AVEN: variants seen among roughly 807,000 people sequenced by gnomAD.
AVEN encodes the protein cell death regulator Aven.
A neutral mutation model predicts 38.1 loss-of-function variants in AVEN; 41 were observed. That is an observed-to-expected ratio of 1.08 (90% confidence interval 0.84 to 1.40). The LOEUF (loss-of-function observed/expected upper bound fraction) is 1.40. Among genes scored for constraint, AVEN ranks in the 40% most tolerant of loss-of-function variants. The pLI, the probability that AVEN is intolerant of heterozygous loss-of-function variation, is 0.00. For missense variants in AVEN, 605 were observed against 438.8 expected, an observed-to-expected ratio of 1.38 and a Z score of -3.38; for synonymous variants, 206 against 171.8, an observed-to-expected ratio of 1.20 and a Z score of -1.56.
At chr15:34,061,979 C>T (rs1439718442) in intron 5 of AVEN, among the ~76,000 whole-genome samples, 2 of 152,110 alleles carry the variant, frequency 1.3e-5, no homozygotes, top group African/African-American at 4.8e-5. Context: ...GGGTTTCAGC[C>T]CTTATGATCA....
At chr15:33,982,182 T>C (rs569275492) in intron 2 of AVEN, among the ~76,000 whole-genome samples, 1 of 152,174 alleles carries the variant, frequency 6.6e-6, no homozygotes, top group South Asian at 2.1e-4. Context: ...TAAGAGTTAT[T>C]TTAACACATT....
At chr15:34,075,309 G>A (rs1170648256), upstream of AVEN, among the ~76,000 whole-genome samples, 1 of 152,174 alleles carries the variant, frequency 6.6e-6, no homozygotes, top group African/African-American at 2.4e-5. Context: ...AGCGGAAGGG[G>A]AAGTAAACAT....
chr15:34,046,714 A>T (rs1899698634), intron 5 of AVEN: 1 of 152,250 alleles, frequency 6.6e-6, no homozygotes, highest in Admixed American at 6.5e-5. Context: ...GGTGTGAGTG[A>T]ATACAGCGCC....
intron 1 of AVEN, among the ~76,000 whole-genome samples, chr15:34,032,867 T>G (rs371857191): frequency 3.3e-5 from 5 of 152,338 alleles, no homozygotes; most frequent in African/African-American, 1.2e-4. Flanking sequence ...TATGTCCTTT[T>G]GCAAATCAGG....
chr15:33,974,760 G>A (rs1046201182), intron 2 of AVEN, among the ~76,000 whole-genome samples: 1 of 152,192 alleles, frequency 6.6e-6, no homozygotes, highest in Non-Finnish European at 1.5e-5. Context: ...ATCACCTGAG[G>A]TCAGGGGTTT....
intron 2 of AVEN, among the ~76,000 whole-genome samples, chr15:33,942,373 C>G (rs955931231): frequency 1.3e-5 from 2 of 152,168 alleles, no homozygotes; most frequent in Non-Finnish European, 2.9e-5. Context: ...CGTCTGTCTA[C>G]TCAACAACCG....
At chr15:34,057,649 G>A (rs929479936) in intron 5 of AVEN, among the ~76,000 whole-genome samples, 3 of 152,126 alleles carry the variant, frequency 2.0e-5, no homozygotes, top group East Asian at 1.9e-4. Context: ...CAGTAAGTTG[G>A]AGCCATATGT....
chr15:33,894,820 AAATAATAACAAT>A (rs1421328224), intron 2 of AVEN, among the ~76,000 whole-genome samples: 3 of 16,260 alleles, frequency 1.8e-4, no homozygotes, highest in Non-Finnish European at 7.4e-4. Context: ...AAAAAAAAAA[AAATAATAACAAT>A]AATAATAATA....
chr15:34,010,657 G>A (rs1486641763), intron 1 of AVEN, among the ~76,000 whole-genome samples: 8 of 152,108 alleles, frequency 5.3e-5, no homozygotes, highest in African/African-American at 1.7e-4. Flanking sequence ...AGGTAGAATA[G>A]AAAGAAATGA....
chr15:34,069,173 A>G (rs1282082609), intron 2 of AVEN, among the ~76,000 whole-genome samples: 4 of 151,896 alleles, frequency 2.6e-5, no homozygotes, highest in Non-Finnish European at 5.9e-5. Context: ...TGTAATCCCA[A>G]CACTTTGGGA....
chr15:34,068,446 A>G (rs534403370), intron 2 of AVEN, among the ~76,000 whole-genome samples: 4 of 152,108 alleles, frequency 2.6e-5, no homozygotes, highest in African/African-American at 9.6e-5. Flanking sequence ...GGCTCAGGCA[A>G]TCCACCCGAT....
At chr15:33,860,454 G>T in intron 11 of AVEN, 1 of 541,826 alleles carries the variant, frequency 1.8e-6, no homozygotes, top group Non-Finnish European at 3.3e-6. Flanking sequence ...GTAACACAAA[G>T]AAACACGAGT....
At chr15:34,037,041 G>A (rs200385608) in intron 1 of AVEN, among the ~76,000 whole-genome samples, 4 of 151,832 alleles carry the variant, frequency 2.6e-5, no homozygotes, top group East Asian at 3.9e-4. Flanking sequence ...CCCGGGAGGC[G>A]GAGGTTGCAG....
At chr15:33,919,082 C>T (rs142650011) in intron 2 of AVEN, among the ~76,000 whole-genome samples, 2 of 151,926 alleles carry the variant, frequency 1.3e-5, no homozygotes, top group South Asian at 2.1e-4. Context: ...CCATCACGCC[C>T]GGCTAATTTT....
At chr15:34,014,747 A>G (rs1425498845) in intron 1 of AVEN, among the ~76,000 whole-genome samples, 1 of 152,134 alleles carries the variant, frequency 6.6e-6, no homozygotes. Context: ...GGTCTACTCC[A>G]ACAGCTGGTG....
intron 2 of AVEN, among the ~76,000 whole-genome samples, chr15:33,956,242 T>A (rs1334276361): frequency 6.6e-6 from 1 of 152,176 alleles, no homozygotes; most frequent in East Asian, 1.9e-4. Flanking sequence ...TGTCCTGCTC[T>A]AATGTGCTGG....
chr15:33,925,501 C>T (rs972128250), intron 2 of AVEN, among the ~76,000 whole-genome samples: 10 of 152,146 alleles, frequency 6.6e-5, no homozygotes, highest in South Asian at 4.1e-4. Flanking sequence ...CCAGTCACTG[C>T]GGTGACAGCA....
intron 2 of AVEN, among the ~76,000 whole-genome samples, chr15:33,998,476 A>G (rs1260625723): frequency 6.6e-6 from 1 of 152,166 alleles, no homozygotes; most frequent in African/African-American, 2.4e-5. Context: ...AATGCCAAAA[A>G]AAGAAAAAAT....
chr15:34,010,087 TA>T (rs1364987131), intron 1 of AVEN, among the ~76,000 whole-genome samples: 3 of 152,128 alleles, frequency 2.0e-5, no homozygotes, highest in Non-Finnish European at 4.4e-5. Context: ...TTAACAATAA[TA>T]GTTAGAAACT....
Sources: gnomAD v4.1 joint callset for allele counts (sites outside exome capture counted in the v4.1 genomes callset) on GRCh38, gnomAD v4.1.1 for gene constraint, MANE v1.5 for transcripts, NCBI Gene and HGNC (gene_info 2026-07-23, HGNC 2026-07-21) for gene names.